SEMA5B: variants seen among roughly 807,000 people sequenced by gnomAD.
SEMA5B encodes semaphorin-5B.
In SEMA5B, 66 loss-of-function variants were observed where a neutral mutation model predicts 135.0. The observed-to-expected ratio is 0.49, with a 90% CI of 0.40 to 0.60. SEMA5B has a LOEUF of 0.60. SEMA5B is among the 20% of genes least tolerant of loss of function. The pLI is 0.00. For synonymous variants in SEMA5B, 690 were observed against 639.5 expected (o/e 1.08, Z -1.19); for missense variants, 1,501 against 1,566.3 (o/e 0.96, Z 0.70).
chr3:122,985,642 C>T (rs879606236), intron 1 of SEMA5B, among the ~76,000 whole-genome samples: 1 of 152,056 alleles, frequency 6.6e-6, no homozygotes, highest in Non-Finnish European at 1.5e-5. Flanking sequence ...ATAGATCTAC[C>T]CCCAGAAAGC....
chr3:122,971,893 C>T (rs1941138691), intron 1 of SEMA5B, among the ~76,000 whole-genome samples: 1 of 152,244 alleles, frequency 6.6e-6, no homozygotes, highest in Non-Finnish European at 1.5e-5. Flanking sequence ...CGCTGCCTCC[C>T]TTCTCTTTGA....
intron 4 of SEMA5B, among the ~76,000 whole-genome samples, chr3:122,942,558 C>A (rs1939603548): frequency 6.6e-6 from 1 of 152,206 alleles, no homozygotes; most frequent in Non-Finnish European, 1.5e-5. Context: ...CTGTAGTCCC[C>A]ACACCCTGTT....
intron 1 of SEMA5B, among the ~76,000 whole-genome samples, chr3:123,015,159 C>T (rs897217994): frequency 2.0e-5 from 3 of 152,212 alleles, no homozygotes; most frequent in Admixed American, 1.3e-4. Context: ...ACACCTTGAT[C>T]TCAGACTTCT....
intron 9 of SEMA5B, among the ~76,000 whole-genome samples, chr3:122,924,690 A>G (rs1301084617): frequency 6.6e-6 from 1 of 152,030 alleles, no homozygotes; most frequent in African/African-American, 2.4e-5. Context: ...GTCTTGCCAC[A>G]CTGATCTCTG....
intron 1 of SEMA5B, among the ~76,000 whole-genome samples, chr3:123,023,069 G>T (rs1942725400): frequency 6.6e-6 from 1 of 152,102 alleles, no homozygotes; most frequent in African/African-American, 2.4e-5. Context: ...CAGAGAGGGG[G>T]GTTTGCAAAA....
chr3:123,011,447 A>C (rs1942436883), intron 1 of SEMA5B, among the ~76,000 whole-genome samples: 1 of 152,158 alleles, frequency 6.6e-6, no homozygotes. Context: ...TGATTTACCC[A>C]CATTCCCTGT....
At chr3:122,928,075 T>G in intron 7 of SEMA5B, 72 bp from the exon 8 acceptor site, 1 of 1,172,160 alleles carries the variant, frequency 8.5e-7, no homozygotes, top group Non-Finnish European at 1.2e-6. Context: ...CATCTGAGTT[T>G]TGTTTCCTCC....
chr3:122,960,937 C>T lies in SEMA5B; in HGVS notation c.124+203G>A, dbSNP rs145751039. On this transcript the variant is annotated intron_variant, in intron 2 of 22. Coordinates refer to ENST00000357599, the MANE Select transcript of SEMA5B (RefSeq NM_001031702.4). ...GTGAGTGTACCTGATACTACTGAAC[C>T]GTGGACTTAAAAAGGGTTAAATGGC... Among the ~76,000 whole-genome samples the T allele has an allele frequency of 2.9e-3, 444 of 152,206 alleles. 2 individuals carry two copies. Among genetic ancestry groups the T allele is most frequent in the Non-Finnish European group, 4.1e-3 (276 of 68,016 alleles).
intron 1 of SEMA5B, among the ~76,000 whole-genome samples, chr3:123,025,578 T>C (rs1942779167): frequency 6.6e-6 from 1 of 152,200 alleles, no homozygotes; most frequent in African/African-American, 2.4e-5. Context: ...CACTGGCTGC[T>C]TGGAAAAAGA....
chr3:123,012,620 G>A (rs922540157), intron 1 of SEMA5B, among the ~76,000 whole-genome samples: 3 of 152,206 alleles, frequency 2.0e-5, no homozygotes, highest in African/African-American at 7.2e-5. Flanking sequence ...CAGCAGGACT[G>A]GGCTGTGAAG....
Position 122,910,966 on chromosome 3 carries a change from C to CCCT in SEMA5B, c.3170_3171insAGG (p.Leu1057_Ser1058insGly). The CCCT allele has an allele frequency of 6.2e-7, 1 of 1,613,968 alleles. No homozygotes were observed. Among genetic ancestry groups the CCCT allele is most frequent in the Non-Finnish European group, 8.5e-7 (1 of 1,180,002 alleles). On this transcript the variant is annotated inframe_insertion, in exon 22 of 23. Transcript: ENST00000357599. ...ACTGACGCTGGCAGTGCTGGCAAGA[C>CCCT]AGGTACACTGCTAGGGTCAGGAGCC...
At chr3:122,976,203 T>TTAAGGGAGAGGGGGATTCAC in intron 1 of SEMA5B, 2 of 1,492,000 alleles carry the variant, frequency 1.3e-6, no homozygotes, top group Non-Finnish European at 1.8e-6. Context: ...AATGTGCTCC[T>TTAAGGGAGAGGGGGATTCAC]AGGACCAGCA....
At chr3:123,017,794 G>A (rs1942595808) in intron 1 of SEMA5B, among the ~76,000 whole-genome samples, 1 of 151,916 alleles carries the variant, frequency 6.6e-6, no homozygotes, top group Admixed American at 6.6e-5. Context: ...TGTAATCCCA[G>A]CTACTTGGGA....
intron 1 of SEMA5B, among the ~76,000 whole-genome samples, chr3:123,012,739 G>A (rs1942464622): frequency 6.6e-6 from 1 of 152,138 alleles, no homozygotes; most frequent in Non-Finnish European, 1.5e-5. Flanking sequence ...AGGCAAGAAG[G>A]GGATCCACAC....
intron 12 of SEMA5B, 99 bp from the exon 13 acceptor site, chr3:122,915,989 C>T (rs2107619924): frequency 1.2e-6 from 1 of 841,216 alleles, no homozygotes; most frequent in East Asian, 2.5e-5. Flanking sequence ...CACCACTTTC[C>T]ATCCATTTGT....
At chr3:122,944,754 T>C (rs1439882152) in intron 3 of SEMA5B, among the ~76,000 whole-genome samples, 1 of 152,102 alleles carries the variant, frequency 6.6e-6, no homozygotes, top group Non-Finnish European at 1.5e-5. Context: ...ACTCGCCCGG[T>C]TTCCCTCCTG....
chr3:123,023,229 G>GTC (rs1177904513), intron 1 of SEMA5B, among the ~76,000 whole-genome samples: 3 of 152,004 alleles, frequency 2.0e-5, no homozygotes, highest in African/African-American at 7.3e-5. Context: ...GTTAAGTGTT[G>GTC]TCATAAATTT....
chr3:122,945,464 A>G (rs887754790), intron 3 of SEMA5B, among the ~76,000 whole-genome samples: 2 of 152,000 alleles, frequency 1.3e-5, no homozygotes, highest in South Asian at 2.1e-4. Context: ...CTGGATTACA[A>G]CCTCTCCACC....
At chr3:122,978,977 T>C (rs1941431831) in intron 1 of SEMA5B, among the ~76,000 whole-genome samples, 1 of 152,134 alleles carries the variant, frequency 6.6e-6, no homozygotes, top group Admixed American at 6.5e-5. Context: ...TGCTTGGCCA[T>C]CTTCAGCCTG....
Sources: allele counts gnomAD v4.1 joint callset (sites outside exome capture counted in the v4.1 genomes callset), GRCh38; gene constraint gnomAD v4.1.1; transcripts MANE v1.5; gene names NCBI Gene and HGNC (gene_info 2026-07-23, HGNC 2026-07-21).